Variants in WWOX observed in about 807,000 individuals in gnomAD.
The protein encoded by WWOX is WW domain-containing oxidoreductase.
Under a neutral mutation model 46.2 loss-of-function variants are expected in WWOX, and 69 were observed. That is an observed-to-expected ratio of 1.49 (90% CI 1.23 to 1.82). WWOX has a LOEUF of 1.82. Among genes scored for constraint, WWOX ranks in the 40% most tolerant of loss-of-function variants. The pLI is 0.00. For synonymous variants in WWOX, 359 were observed against 202.6 expected, an observed-to-expected ratio of 1.77 and a Z score of -6.56; for missense variants, 919 against 542.6, an observed-to-expected ratio of 1.69 and a Z score of -6.89.
At chr16:78,795,980 G>T (rs1297940542) in intron 8 of WWOX, among the ~76,000 whole-genome samples, 1 of 152,156 alleles carries the variant, frequency 6.6e-6, no homozygotes, top group African/African-American at 2.4e-5. Context: ...ATAAGGCAAA[G>T]AACATTTTGT....
chr16:78,238,955 C>T (rs1012902082), intron 5 of WWOX, among the ~76,000 whole-genome samples: 1 of 151,716 alleles, frequency 6.6e-6, no homozygotes, highest in Admixed American at 6.6e-5. Context: ...AGGCATCGGC[C>T]CCCAAGGGTT....
At chr16:78,361,216 T>C (rs2081404168) in intron 5 of WWOX, among the ~76,000 whole-genome samples, 2 of 152,204 alleles carry the variant, frequency 1.3e-5, no homozygotes, top group African/African-American at 2.4e-5. Context: ...ATTAGCTGAG[T>C]GTAAGCATTT....
At chr16:78,826,680 C>A (rs530979195) in intron 8 of WWOX, among the ~76,000 whole-genome samples, 1 of 152,312 alleles carries the variant, frequency 6.6e-6, no homozygotes, top group Non-Finnish European at 1.5e-5. Flanking sequence ...CTGCAAAGAC[C>A]TGATTCCCAA....
intron 8 of WWOX, among the ~76,000 whole-genome samples, chr16:78,612,802 T>C (rs2045931735): frequency 6.6e-6 from 1 of 152,206 alleles, no homozygotes; most frequent in African/African-American, 2.4e-5. Flanking sequence ...ACCTACAAAA[T>C]GAAGGCTACA....
chr16:78,778,797 T>C (rs1386107298), intron 8 of WWOX, among the ~76,000 whole-genome samples: 3 of 152,164 alleles, frequency 2.0e-5, no homozygotes, highest in African/African-American at 7.2e-5. Flanking sequence ...ATTTCTGTCC[T>C]TTTCATGGAA....
At chr16:78,488,258 C>T (rs1023844714) in intron 8 of WWOX, among the ~76,000 whole-genome samples, 15 of 152,094 alleles carry the variant, frequency 9.9e-5, no homozygotes, top group Non-Finnish European at 4.4e-5. Flanking sequence ...GCAGTTAGTC[C>T]AGATGTGAAT....
chr16:78,444,816 C>G (rs1446460316), intron 8 of WWOX, among the ~76,000 whole-genome samples: 1 of 152,140 alleles, frequency 6.6e-6, no homozygotes, highest in Non-Finnish European at 1.5e-5. Flanking sequence ...AGGCGTGAGC[C>G]ACCGCACCCG....
Position 78,597,776 on chromosome 16 carries a change from AT to A in WWOX, c.1056+165025del, listed in dbSNP as rs1188693519. 7.6e-4 allele frequency among the ~76,000 whole-genome samples: 112 copies of A among 147,636 alleles called. 1 individual carries two copies. The highest frequency in any genetic ancestry group is 2.3e-3 in the African/African-American group (88 of 38,848). ...TTTATATGTGTATATATATATATAT[AT>A]ATAAAATATATTTCCATGAATATAC... On this transcript the variant is annotated intron_variant, in intron 8 of 8. Coordinates refer to ENST00000566780, the MANE Select transcript of WWOX (RefSeq NM_016373.4).
At chr16:78,871,845 C>G (rs1459308463) in intron 8 of WWOX, among the ~76,000 whole-genome samples, 1 of 152,114 alleles carries the variant, frequency 6.6e-6, no homozygotes, top group East Asian at 1.9e-4. Flanking sequence ...TCAAGTGATC[C>G]GCCCACCTTG....
intron 8 of WWOX, among the ~76,000 whole-genome samples, chr16:79,087,457 C>A (rs1723615194): frequency 6.6e-6 from 1 of 152,154 alleles, no homozygotes; most frequent in Admixed American, 6.5e-5. Flanking sequence ...ATTTTCACAG[C>A]CAGTCAGGCA....
At chr16:78,362,248 G>A (rs745928087) in intron 5 of WWOX, among the ~76,000 whole-genome samples, 50 of 152,036 alleles carry the variant, frequency 3.3e-4, no homozygotes, top group African/African-American at 1.1e-3. Flanking sequence ...TGCCTTGTCC[G>A]TCTTGCTTGT....
chr16:78,585,982 A>T (rs2045193740), intron 8 of WWOX, among the ~76,000 whole-genome samples: 1 of 151,936 alleles, frequency 6.6e-6, no homozygotes, highest in African/African-American at 2.4e-5. Flanking sequence ...GGATCCCTTG[A>T]GCCCAGGAGG....
At chr16:78,975,575 A>G (rs2046555399) in intron 8 of WWOX, among the ~76,000 whole-genome samples, 5 of 151,846 alleles carry the variant, frequency 3.3e-5, no homozygotes, top group Admixed American at 1.3e-4. Flanking sequence ...CTGTTCATGT[A>G]CCATATACAC....
At position 79,123,006 on chromosome 16, in the gene WWOX, C is replaced by T. The variant is rs80101506; in HGVS notation, c.1057-88602C>T. ...TTCCAGTTGCCCTTTTCCTTCTTCT[C>T]TCTTGAACAATGTGAACGCAAGGTG... On this transcript the variant is annotated intron_variant, in intron 8 of 8. Transcript: ENST00000566780. 5.3e-3 allele frequency among the ~76,000 whole-genome samples: 802 copies of T among 152,300 alleles called. 5 individuals carry two copies. Among genetic ancestry groups the T allele is most frequent in the African/African-American group, 0.018 (765 of 41,550 alleles).
intron 4 of WWOX, among the ~76,000 whole-genome samples, chr16:78,141,488 G>A (rs190525105): frequency 2.1e-5 from 3 of 143,752 alleles, no homozygotes; most frequent in East Asian, 4.1e-4. Flanking sequence ...GGAACCTCTG[G>A]CCCATTCTAC....
At chr16:78,962,536 T>C (rs1197243590) in intron 8 of WWOX, among the ~76,000 whole-genome samples, 1 of 152,058 alleles carries the variant, frequency 6.6e-6, no homozygotes. Context: ...TGTCAGACAA[T>C]TCTCTGAAAT....
intron 8 of WWOX, among the ~76,000 whole-genome samples, chr16:78,867,807 C>G (rs931032593): frequency 6.6e-6 from 1 of 152,108 alleles, no homozygotes; most frequent in East Asian, 1.9e-4. Flanking sequence ...CTGACCTCAT[C>G]GCTGCCACTG....
At chr16:78,803,763 T>C (rs1027617006) in intron 8 of WWOX, among the ~76,000 whole-genome samples, 2 of 152,124 alleles carry the variant, frequency 1.3e-5, no homozygotes, top group African/African-American at 4.8e-5. Flanking sequence ...CCAGCCTAAA[T>C]GGCATTCTTG....
intron 8 of WWOX, among the ~76,000 whole-genome samples, chr16:78,638,381 C>G (rs770555627): frequency 2.0e-4 from 30 of 152,248 alleles, no homozygotes; most frequent in Non-Finnish European, 3.8e-4. Flanking sequence ...TCCTTTCCCC[C>G]TCTGGCTGGG....
Sources: gnomAD v4.1 joint callset for allele counts (sites outside exome capture counted in the v4.1 genomes callset) on GRCh38, gnomAD v4.1.1 for gene constraint, MANE v1.5 for transcripts, NCBI Gene and HGNC (gene_info 2026-07-23, HGNC 2026-07-21) for gene names.